ERICH1: variants seen among roughly 807,000 people sequenced by gnomAD.
ERICH1 encodes glutamate rich 1.
Under a neutral mutation model 39.6 loss-of-function variants are expected in ERICH1, and 56 were observed. The ratio of observed to expected loss-of-function variants is 1.41; its 90% CI spans 1.14 to 1.77. The LOEUF is 1.77. Among genes scored for constraint, ERICH1 ranks in the 40% most tolerant of loss-of-function variants. The probability of loss-of-function intolerance (pLI) is 0.00; values close to 1 mark genes in which losing one functional copy is unlikely to be tolerated. For synonymous variants in ERICH1, 313 were observed against 223.6 expected (o/e 1.40, Z -3.57); for missense variants, 826 against 575.4 (o/e 1.44, Z -4.45).
At chr8:637,784 G>A (rs1463459195) in intron 3 of ERICH1, among the ~76,000 whole-genome samples, 2 of 152,210 alleles carry the variant, frequency 1.3e-5, no homozygotes. Flanking sequence ...GGGGAGTGGA[G>A]CAGCCGGGAG....
In ERICH1 at chr8:705,957, C is replaced by T. The variant is rs139084978; in HGVS notation, c.169+9904G>A. On this transcript the variant is annotated intron_variant, in intron 2 of 5. Coordinates refer to ENST00000262109, the MANE Select transcript of ERICH1 (RefSeq NM_207332.3). ...GCTGAAAGGCTGGCTGCATATAGGA[C>T]GGCGGACCCTGAAGATGATAACGCT... Among the ~76,000 whole-genome samples the T allele has an allele frequency of 7.8e-4, 118 of 152,238 alleles. No homozygotes were observed. In the East Asian group the frequency reaches 0.017, roughly 22 times the overall value.
intron 3 of ERICH1, among the ~76,000 whole-genome samples, chr8:643,326 G>A (rs1329373734): frequency 2.0e-5 from 3 of 152,212 alleles, no homozygotes; most frequent in African/African-American, 4.8e-5. Context: ...GCCAGGCGCA[G>A]GCTGCGGTGT....
intron 2 of ERICH1, among the ~76,000 whole-genome samples, chr8:713,355 A>G (rs551125759): frequency 1.3e-5 from 2 of 152,262 alleles, no homozygotes; most frequent in Non-Finnish European, 2.9e-5. Context: ...GTGCAAAAGC[A>G]GTCATTTACT....
chr8:692,226 G>A (rs1283320236), intron 3 of ERICH1, among the ~76,000 whole-genome samples: 6 of 152,008 alleles, frequency 3.9e-5, no homozygotes, highest in African/African-American at 7.3e-5. Context: ...AACAAACATG[G>A]GCTATAGTCA....
intron 3 of ERICH1, among the ~76,000 whole-genome samples, chr8:629,257 G>T (rs984179215): frequency 6.6e-6 from 1 of 152,090 alleles, no homozygotes; most frequent in Non-Finnish European, 1.5e-5. Context: ...GATGCAGGTG[G>T]AACACACAGA....
chr8:700,009 A>G (rs368784593), intron 2 of ERICH1, among the ~76,000 whole-genome samples: 1,077 of 96,622 alleles, frequency 0.011, no homozygotes, highest in Non-Finnish European at 0.017. Flanking sequence ...AGGCGCACAG[A>G]CCCGCACACG....
intron 2 of ERICH1, among the ~76,000 whole-genome samples, chr8:715,594 A>T (rs1002041441): frequency 6.6e-6 from 1 of 152,218 alleles, no homozygotes; most frequent in Non-Finnish European, 1.5e-5. Flanking sequence ...CCCAAGCCCC[A>T]GTTTCAGTCC....
At chr8:687,953 C>G (rs974922579) in intron 3 of ERICH1, among the ~76,000 whole-genome samples, 4 of 152,142 alleles carry the variant, frequency 2.6e-5, no homozygotes, top group Non-Finnish European at 4.4e-5. Flanking sequence ...CCAAGGACAT[C>G]CCGGCGGCGA....
At chr8:662,734 C>T (rs1255911265), downstream of ERICH1, among the ~76,000 whole-genome samples, 3 of 152,208 alleles carry the variant, frequency 2.0e-5, no homozygotes, top group Non-Finnish European at 4.4e-5. Context: ...CCAGGTTCCA[C>T]AAGGCCATGG....
Position 665,609 on chromosome 8 carries a change from T to C in ERICH1, c.1259-933A>G, listed in dbSNP as rs538841694. On this transcript the variant is annotated intron_variant, in intron 5 of 5. Transcript: ENST00000262109. The stretch of plus-strand genomic sequence containing the variant: ...TTCCCATACAGAGAATTAGAGGAGG[T>C]TGATGTTCGGAAATCCTCAGCCCTT... 8.7e-4 allele frequency among the ~76,000 whole-genome samples: 132 copies of C among 152,278 alleles called. 1 individual carries two copies. Among genetic ancestry groups the C allele is most frequent in the Admixed American group, 1.9e-3 (29 of 15,294 alleles).
intron 3 of ERICH1, among the ~76,000 whole-genome samples, chr8:634,831 CT>C (rs1199853697): frequency 6.6e-6 from 1 of 152,228 alleles, no homozygotes; most frequent in Non-Finnish European, 1.5e-5. Flanking sequence ...GGGAAAGGTT[CT>C]TTTTTGTCTC....
chr8:637,784 G>T (rs1463459195), intron 3 of ERICH1, among the ~76,000 whole-genome samples: 1 of 152,210 alleles, frequency 6.6e-6, no homozygotes, highest in African/African-American at 2.4e-5. Context: ...GGGGAGTGGA[G>T]CAGCCGGGAG....
In ERICH1 at chr8:656,905, G is replaced by T. The variant is rs956436718; in HGVS notation, c.976+11693C>A. 3.3e-6 allele frequency: 3 copies of T among 918,242 alleles called. No individual in the cohort carries two copies. The African/African-American group carries it at 5.3e-5, about 16-fold the overall frequency. 56.9% of individuals were successfully genotyped at this position (918,242 alleles called of 1,614,324 possible). A position where few individuals can be genotyped will look rare whatever the true frequency, so the allele number is the denominator to read the frequency against. On this transcript the variant is annotated intron_variant, in intron 3 of 3. Coordinates refer to the ERICH1 transcript ENST00000522706. ...AAACATTATGGATTAATTCATTTAA[G>T]ATAAACAATACACTCCTTATATGTT... is the stretch of plus-strand genomic sequence containing the variant.
intron 3 of ERICH1, among the ~76,000 whole-genome samples, chr8:624,481 T>C (rs2117053231): frequency 6.6e-6 from 1 of 152,364 alleles, no homozygotes; most frequent in South Asian, 2.1e-4. Flanking sequence ...CAGCACAGTC[T>C]GTATCAGTCC....
chr8:700,848 G>GA (rs1255871305), intron 2 of ERICH1, among the ~76,000 whole-genome samples: 4 of 152,314 alleles, frequency 2.6e-5, no homozygotes, highest in African/African-American at 4.8e-5. Flanking sequence ...CAGATAAGAG[G>GA]AAAAACTCTC....
chr8:638,476 G>GT (rs1363858329), intron 3 of ERICH1, among the ~76,000 whole-genome samples: 3 of 152,186 alleles, frequency 2.0e-5, no homozygotes, highest in Non-Finnish European at 2.9e-5. Context: ...ACCTGGGAAG[G>GT]TTCGTGGGTT....
intron 3 of ERICH1, among the ~76,000 whole-genome samples, chr8:618,112 C>T (rs1010064739): frequency 1.7e-4 from 25 of 146,676 alleles, no homozygotes; most frequent in African/African-American, 4.5e-4. Context: ...CTGCCCTATG[C>T]GTGCTCACTA....
intron 3 of ERICH1, among the ~76,000 whole-genome samples, chr8:650,640 G>A (rs1799825073): frequency 6.6e-6 from 1 of 152,210 alleles, no homozygotes; most frequent in African/African-American, 2.4e-5. Context: ...CCGGCACCGT[G>A]CCATAGGGCA....
At chr8:653,076 G>A (rs147001583) in intron 3 of ERICH1, among the ~76,000 whole-genome samples, 58 of 152,330 alleles carry the variant, frequency 3.8e-4, no homozygotes, top group South Asian at 2.3e-3. Flanking sequence ...TTTAATTACC[G>A]TATGATCCAG....
Sources: gnomAD v4.1 joint callset for allele counts (sites outside exome capture counted in the v4.1 genomes callset) on GRCh38, gnomAD v4.1.1 for gene constraint, MANE v1.5 for transcripts, NCBI Gene and HGNC (gene_info 2026-07-23, HGNC 2026-07-21) for gene names.